The following EMC3 variants were observed in gnomAD, a reference collection of about 807,000 sequenced individuals.
EMC3 encodes ER membrane protein complex subunit 3, also known as 30 kDa protein.
Under a neutral mutation model 36.6 loss-of-function variants are expected in EMC3, and 13 were observed. The ratio of observed to expected loss-of-function variants is 0.35; its 90% confidence interval spans 0.23 to 0.56. The LOEUF (loss-of-function observed/expected upper bound fraction) is 0.56, where lower values mean the gene tolerates loss of function less well. EMC3 is among the 20% of genes least tolerant of loss of function. The pLI is 0.84. For missense variants in EMC3, 220 were observed against 324.5 expected (o/e 0.68, Z 2.47); for synonymous variants, 120 against 111.9 (o/e 1.07, Z -0.46).
chr3:9,970,838 T>C (rs1435126748), intron 5 of EMC3, among the ~76,000 whole-genome samples, 177 bp from the exon 6 acceptor site: 2 of 151,980 alleles, frequency 1.3e-5, no homozygotes, highest in African/African-American at 2.4e-5. Context: ...GTCTCACCAA[T>C]ACAGAACTAT....
At position 9,974,442 on chromosome 3, in the gene EMC3, G is replaced by C; in HGVS notation, c.354C>G (p.Val118=). The part of the protein sequence containing the change: ...TDMMKGNVTN[V]LPMILIGGWI... ...ATCCACCAATAAGAATCATAGGGAG[G>C]ACATTTGTTACATTCCCTTTCATCA... Residue 118 remains valine (V), a synonymous_variant, in exon 4 of 8, where the codon GTC becomes GTG. Transcript: ENST00000245046. 3 of 1,613,914 alleles carry C rather than the reference G, an allele frequency of 1.9e-6. No homozygotes were observed. Among genetic ancestry groups the C allele is most frequent in the Non-Finnish European group, 2.5e-6 (3 of 1,179,798 alleles).
chr3:9,986,101 A>T (rs1005112555), intron 1 of EMC3, among the ~76,000 whole-genome samples: 5 of 152,246 alleles, frequency 3.3e-5, no homozygotes, highest in African/African-American at 1.2e-4. Context: ...TAGAATGCAG[A>T]TTATCACACT....
chr3:9,992,114 A>C (rs973197067), intron 1 of EMC3, among the ~76,000 whole-genome samples: 2 of 151,236 alleles, frequency 1.3e-5, no homozygotes, highest in African/African-American at 4.9e-5. Flanking sequence ...TTTTTTTTTA[A>C]ATTTTGTAAT....
At chr3:9,996,626 A>G (rs2086128836) in intron 1 of EMC3, among the ~76,000 whole-genome samples, 1 of 152,034 alleles carries the variant, frequency 6.6e-6, no homozygotes, top group Admixed American at 6.6e-5. Flanking sequence ...CAGTCAACAC[A>G]TTTTTTTAAT....
intron 1 of EMC3, chr3:10,006,886 G>T (rs537690671): frequency 1.7e-5 from 6 of 358,456 alleles, no homozygotes; most frequent in Non-Finnish European, 2.7e-5. Context: ...GAGGAGCTGG[G>T]CGAGGCGCCC....
chr3:9,992,014 C>G (rs1441251282), intron 1 of EMC3, among the ~76,000 whole-genome samples: 5 of 152,148 alleles, frequency 3.3e-5, no homozygotes, highest in Non-Finnish European at 7.4e-5. Context: ...ACCACTTGAC[C>G]ACCCCTCACC....
chr3:10,003,358 G>A (rs1049716305), intron 1 of EMC3: 10 of 372,912 alleles, frequency 2.7e-5, no homozygotes, highest in Non-Finnish European at 4.2e-5. Context: ...TGTGTCCACC[G>A]CCGAAAAGGA....
At chr3:10,007,083 T>A in intron 1 of EMC3, 1 of 305,844 alleles carries the variant, frequency 3.3e-6, no homozygotes, top group South Asian at 2.8e-5. Context: ...ACGAGGGCTG[T>A]GCACACCCTA....
intron 1 of EMC3, among the ~76,000 whole-genome samples, chr3:9,996,468 TA>T (rs2124931690): frequency 6.6e-6 from 1 of 151,924 alleles, no homozygotes; most frequent in African/African-American, 2.4e-5. Flanking sequence ...TAAATAAAAA[TA>T]AAACAAAAAG....
intron 1 of EMC3, chr3:10,004,629 T>G (rs1388865447): frequency 6.6e-6 from 1 of 152,344 alleles, no homozygotes; most frequent in African/African-American, 2.4e-5. Flanking sequence ...GAGTCCTGTT[T>G]TAGACCCAGC....
At chr3:9,983,554 C>T (rs1287913964) in intron 1 of EMC3, among the ~76,000 whole-genome samples, 2 of 151,978 alleles carry the variant, frequency 1.3e-5, no homozygotes, top group Non-Finnish European at 2.9e-5. Flanking sequence ...TGCCGCTAAT[C>T]GCAGCCACTC....
chr3:9,968,431 G>A (rs2085753260), intron 7 of EMC3, among the ~76,000 whole-genome samples: 1 of 152,208 alleles, frequency 6.6e-6, no homozygotes, highest in African/African-American at 2.4e-5. Flanking sequence ...AACAGAGATA[G>A]TTTTACTTCC....
At chr3:9,973,170 G>A (rs1266921166) in intron 5 of EMC3, among the ~76,000 whole-genome samples, 2 of 150,606 alleles carry the variant, frequency 1.3e-5, no homozygotes, top group Non-Finnish European at 3.0e-5. Flanking sequence ...TTTGGTTTGT[G>A]AGGTTTTTGT....
At chr3:9,988,575 A>G, upstream of EMC3, 1 of 877,522 alleles carries the variant, frequency 1.1e-6, no homozygotes, top group Non-Finnish European at 1.9e-6. Flanking sequence ...CTCAAAACTC[A>G]TTCAAGTGGA....
At chr3:9,976,439 CAT>C (rs769040769) in intron 3 of EMC3, among the ~76,000 whole-genome samples, 49 of 152,192 alleles carry the variant, frequency 3.2e-4, no homozygotes, top group Non-Finnish European at 6.2e-4. Flanking sequence ...ATATTTTTCA[CAT>C]GACTGGTATC....
upstream of EMC3, among the ~76,000 whole-genome samples, chr3:9,989,273 G>A (rs1451217585): frequency 2.6e-5 from 4 of 152,094 alleles, no homozygotes; most frequent in East Asian, 1.9e-4. Flanking sequence ...ATGATTGGCC[G>A]GGCACGGTGG....
At chr3:9,987,962 T>C (rs961433166), upstream of EMC3, 8 of 1,007,560 alleles carry the variant, frequency 7.9e-6, no homozygotes, top group African/African-American at 9.5e-5. Flanking sequence ...TTGCCATCAC[T>C]GTTGCAGGCT....
At chr3:9,989,379 C>A (rs1440703697), upstream of EMC3, among the ~76,000 whole-genome samples, 1 of 152,084 alleles carries the variant, frequency 6.6e-6, no homozygotes, top group Non-Finnish European at 1.5e-5. Flanking sequence ...AGCGAAACCC[C>A]GTCTCTACTA....
chr3:9,994,140 T>C (rs2086093319), intron 1 of EMC3: 1 of 1,574,972 alleles, frequency 6.3e-7, no homozygotes, highest in East Asian at 2.4e-5. Flanking sequence ...TTAGGTTGTG[T>C]ACTGTTTCCT....
Sources: allele counts gnomAD v4.1 joint callset (sites outside exome capture counted in the v4.1 genomes callset), GRCh38; gene constraint gnomAD v4.1.1; transcripts MANE v1.5; gene names NCBI Gene and HGNC (gene_info 2026-07-23, HGNC 2026-07-21).